NLRP14: variants seen among roughly 807,000 people sequenced by gnomAD.
The protein encoded by NLRP14 is NLR family pyrin domain containing 14.
NLRP14 carries 105 observed loss-of-function variants against 94.7 expected under a neutral mutation model. The ratio of observed to expected loss-of-function variants is 1.11; its 90% CI spans 0.95 to 1.30. The LOEUF (loss-of-function observed/expected upper bound fraction) is 1.30, where lower values mean the gene tolerates loss of function less well. Among genes scored for constraint, NLRP14 ranks in the 50% most tolerant of loss-of-function variants. The probability of loss-of-function intolerance (pLI) is 0.00; values close to 1 mark genes in which losing one functional copy is unlikely to be tolerated. For synonymous variants in NLRP14, 508 were observed against 459.9 expected (o/e 1.10, Z -1.34); for missense variants, 1,362 against 1,254.1 (o/e 1.09, Z -1.30).
intron 3 of NLRP14, among the ~76,000 whole-genome samples, chr11:7,040,257 C>T (rs1046814333): frequency 6.6e-6 from 1 of 152,178 alleles, no homozygotes; most frequent in Non-Finnish European, 1.5e-5. Context: ...TGGTCGGCGG[C>T]CCCTCGGGAA....
chr11:7,059,971 A>G lies in NLRP14; in HGVS notation c.2711A>G (p.His904Arg), dbSNP rs753514126. The G allele has an allele frequency of 1.6e-5, 26 of 1,612,550 alleles. No individual in the cohort carries two copies. The highest frequency in any genetic ancestry group is 2.2e-5 in the East Asian group (1 of 44,866). The part of the protein sequence containing the change: ...TSLLHNKSLT[H>R]LDLGSNWLQD... ...CTTCTACACAACAAGAGCCTGACGC[A>G]TCTGGATCTAGGATCAAACTGGCTA... The change falls in exon 9 of 12, where the codon CAT (histidine) becomes CGT (arginine). Residue 904 changes from histidine (H) to arginine (R), a missense_variant. Physicochemically the swap from His to Arg is conservative, Grantham distance 29. Transcript: ENST00000299481.
Position 7,057,729 on chromosome 11 carries a change from C to G in NLRP14, c.2344C>G (p.Leu782Val), listed in dbSNP as rs1046156820. The G allele has an allele frequency of 3.1e-6, 5 of 1,612,012 alleles. No homozygotes were observed. The African/African-American group carries it at 5.3e-5, about 17-fold the overall frequency. ...VFCCLNISNA[L>V]IRSQSLIFLN... is the part of the protein sequence containing the mutation. ...TTGTTGTCTAAATATATCTAATGCT[C>G]TCATCAGAAGCCAGAGCCTGATATT... is the stretch of plus-strand genomic sequence containing the variant. The change falls in exon 7 of 12, where the codon CTC becomes GTC. Residue 782 changes from leucine to valine, a missense_variant. Coordinates refer to ENST00000299481, the MANE Select transcript of NLRP14 (RefSeq NM_176822.4).
the NLRP14 span, among the ~76,000 whole-genome samples, chr11:7,078,168 G>A: frequency 6.6e-6 from 1 of 152,098 alleles, no homozygotes; most frequent in African/African-American, 2.4e-5. Flanking sequence ...GCTGGGTGCG[G>A]TGGCTCATGC....
In NLRP14 at chr11:7,062,314, C is replaced by T; in HGVS notation, c.2805-19C>T. ...CCTCACAATGGAAGGATTCACTTTT[C>T]CTATTGTAATTCTTACAGATTGATG... On this transcript the variant is annotated intron_variant, in intron 9 of 11. Transcript: ENST00000299481. 1 of 1,601,780 alleles carries T rather than the reference C, an allele frequency of 6.2e-7. No homozygotes were observed. Among genetic ancestry groups the T allele is most frequent in the Non-Finnish European group, 8.6e-7 (1 of 1,169,104 alleles).
the NLRP14 span, among the ~76,000 whole-genome samples, chr11:7,087,191 CT>C: frequency 6.6e-6 from 1 of 152,236 alleles, no homozygotes; most frequent in African/African-American, 2.4e-5. Flanking sequence ...ATCAGAAAAT[CT>C]TTGAATCTAC....
At chr11:7,041,878 T>C (rs1852256952) in intron 3 of NLRP14, among the ~76,000 whole-genome samples, 1 of 152,152 alleles carries the variant, frequency 6.6e-6, no homozygotes, top group Non-Finnish European at 1.5e-5. Flanking sequence ...CTCAGGATGT[T>C]TTTCTTTTTT....
the NLRP14 span, among the ~76,000 whole-genome samples, chr11:7,077,585 C>T: frequency 6.6e-6 from 1 of 152,208 alleles, no homozygotes; most frequent in Non-Finnish European, 1.5e-5. Context: ...ATACCTGAGA[C>T]TGAGCAATTT....
chr11:7,087,940 A>G, the NLRP14 span, among the ~76,000 whole-genome samples: 1 of 152,222 alleles, frequency 6.6e-6, no homozygotes, highest in Non-Finnish European at 1.5e-5. Flanking sequence ...AGCAATTCTC[A>G]ATTTTTATAT....
At chr11:7,022,443 A>C (rs963966730) in intron 1 of NLRP14, among the ~76,000 whole-genome samples, 1 of 152,246 alleles carries the variant, frequency 6.6e-6, no homozygotes, top group African/African-American at 2.4e-5. Context: ...TTGAAGGCAT[A>C]GAATTTTCCA....
chr11:7,046,857 A>G, intron 5 of NLRP14, 25 bp downstream of exon 5: 1 of 1,573,306 alleles, frequency 6.4e-7, no homozygotes, highest in Non-Finnish European at 8.7e-7. Flanking sequence ...AGAAAATTTA[A>G]TGGAGTTATT....
downstream of NLRP14, among the ~76,000 whole-genome samples, chr11:7,076,210 A>C (rs1852872421): frequency 6.6e-6 from 1 of 152,100 alleles, no homozygotes; most frequent in African/African-American, 2.4e-5. Flanking sequence ...TATCTCCTTA[A>C]ATTTTGTGCA....
chr11:7,078,163 G>A, the NLRP14 span, among the ~76,000 whole-genome samples: 3 of 152,082 alleles, frequency 2.0e-5, no homozygotes, highest in Non-Finnish European at 4.4e-5. Flanking sequence ...ATTAGGCTGG[G>A]TGCGGTGGCT....
intron 7 of NLRP14, 46 bp from the exon 8 acceptor site, chr11:7,058,234 G>A (rs2119678682): frequency 1.3e-6 from 2 of 1,529,334 alleles, no homozygotes; most frequent in East Asian, 2.3e-5. Flanking sequence ...AGAGAAGCAT[G>A]GGCTTTGGGA....
chr11:7,078,247 G>T, the NLRP14 span, among the ~76,000 whole-genome samples: 1 of 150,856 alleles, frequency 6.6e-6, no homozygotes, highest in East Asian at 2.0e-4. Context: ...GACCATCCTG[G>T]CTAACATGGC....
chr11:7,057,574 G>C, intron 6 of NLRP14, 103 bp from the exon 7 acceptor site: 1 of 1,135,998 alleles, frequency 8.8e-7, no homozygotes, highest in Non-Finnish European at 1.3e-6. Context: ...TTTCAGGCAA[G>C]ATTCCAAAGA....
At position 7,043,974 on chromosome 11, in the gene NLRP14, A is replaced by T. The variant is rs113990832; in HGVS notation, c.1948A>T (p.Thr650Ser). The T allele has an allele frequency of 6.2e-7, 1 of 1,614,008 alleles. No individual in the cohort carries two copies. The highest frequency in any genetic ancestry group is 1.1e-5 in the South Asian group (1 of 91,086). ...EKKILKTSLP[T>S]NTWDGDRITH... ...GAAGATATTAAAAACAAGCCTCCCAACTAACACTTGGTAAGTGTGTTAGGG... is the reference window on the plus strand; with the variant it reads ...GAAGATATTAAAAACAAGCCTCCCATCTAACACTTGGTAAGTGTGTTAGGG... The change falls in exon 4 of 12, where the codon ACT (threonine) becomes TCT (serine). Residue 650 changes from threonine (T) to serine (S), a missense_variant. Coordinates refer to ENST00000299481, the MANE Select transcript of NLRP14 (RefSeq NM_176822.4).
intron 10 of NLRP14, 112 bp downstream of exon 10, chr11:7,062,615 G>A: frequency 1.1e-6 from 1 of 905,016 alleles, no homozygotes; most frequent in South Asian, 1.3e-5. Context: ...TAGAAGGTAA[G>A]TTACTCTCAG....
chr11:7,059,873 T>C (rs1474294369), intron 8 of NLRP14, 21 bp from the exon 9 acceptor site: 1 of 1,603,054 alleles, frequency 6.2e-7, no homozygotes, highest in Admixed American at 1.7e-5. Context: ...TCCATCTTTC[T>C]TCACATTGTC....
chr11:7,044,980 A>G (rs1319304922), intron 4 of NLRP14, among the ~76,000 whole-genome samples: 1 of 152,156 alleles, frequency 6.6e-6, no homozygotes, highest in Non-Finnish European at 1.5e-5. Flanking sequence ...AGGTGCTATT[A>G]TTTCCATTTT....
Sources: gnomAD v4.1 joint callset for allele counts (sites outside exome capture counted in the v4.1 genomes callset) on GRCh38, gnomAD v4.1.1 for gene constraint, MANE v1.5 for transcripts, NCBI Gene and HGNC (gene_info 2026-07-23, HGNC 2026-07-21) for gene names.